Variants in ARSB observed in about 807,000 individuals in gnomAD.
ARSB encodes the protein N-acetylgalactosamine-4-sulfatase.
In ARSB, 41 loss-of-function variants were observed where a neutral mutation model predicts 50.9. The observed-to-expected ratio is 0.81, with a 90% CI of 0.63 to 1.04. The LOEUF is 1.04. Ranked by LOEUF, ARSB falls within the 50% of genes least tolerant of loss-of-function variation. The probability of loss-of-function intolerance (pLI) is 0.00; values close to 1 mark genes in which losing one functional copy is unlikely to be tolerated. For missense variants in ARSB, 672 were observed against 693.3 expected (o/e 0.97, Z 0.35); for synonymous variants, 269 against 284.8 (o/e 0.94, Z 0.56).
chr5:78,839,513 G>C, intron 5 of ARSB, 87 bp from the exon 6 acceptor site: 1 of 1,264,196 alleles, frequency 7.9e-7, no homozygotes, highest in Non-Finnish European at 1.1e-6. Context: ...GTACTTATAG[G>C]AAATAACAAA....
chr5:78,807,862 G>A (rs1743625870), intron 6 of ARSB, among the ~76,000 whole-genome samples: 1 of 152,022 alleles, frequency 6.6e-6, no homozygotes, highest in South Asian at 2.1e-4. Context: ...GGGAGGCCGA[G>A]GCGGGCGGAT....
chr5:78,905,211 G>A (rs1265202606), intron 4 of ARSB, among the ~76,000 whole-genome samples: 1 of 152,118 alleles, frequency 6.6e-6, no homozygotes. Flanking sequence ...GTCTCATGGA[G>A]AATGGTTACA....
At chr5:78,869,926 CAAA>C (rs1351617545) in intron 5 of ARSB, among the ~76,000 whole-genome samples, 1 of 151,062 alleles carries the variant, frequency 6.6e-6, no homozygotes, top group Non-Finnish European at 1.5e-5. Flanking sequence ...GCAAGACTAA[CAAA>C]GAAGAAAAGA....
chr5:78,921,117 T>G (rs1303807464), intron 4 of ARSB, among the ~76,000 whole-genome samples: 2 of 152,210 alleles, frequency 1.3e-5, no homozygotes, highest in African/African-American at 4.8e-5. Context: ...TCTCCTTCCA[T>G]GATCTAAATT....
chr5:78,886,783 C>T (rs138464401), intron 4 of ARSB, among the ~76,000 whole-genome samples: 1 of 152,082 alleles, frequency 6.6e-6, no homozygotes, highest in African/African-American at 2.4e-5. Context: ...AAAAAACCCA[C>T]TATTACCCAA....
intron 5 of ARSB, among the ~76,000 whole-genome samples, chr5:78,851,366 A>G (rs1262015931): frequency 2.0e-5 from 3 of 152,022 alleles, no homozygotes; most frequent in Non-Finnish European, 2.9e-5. Context: ...GTAGTTGAGC[A>G]GTTTTGAGTG....
intron 4 of ARSB, among the ~76,000 whole-genome samples, chr5:78,892,248 C>CTTTTTTTTTTTTTTTTTTTTTTTTT (rs34960858): frequency 1.1e-5 from 1 of 87,226 alleles, no homozygotes; most frequent in African/African-American, 5.2e-5. Flanking sequence ...ATTCTCTATT[C>CTTTTTTTTTTTTTTTTTTTTTTTTT]TTTTTTTTTT....
At position 78,912,291 on chromosome 5, in the gene ARSB, T is replaced by C. The variant is rs141658774; in HGVS notation, c.899-26464A>G. On this transcript the variant is annotated intron_variant, in intron 4 of 7. Transcript: ENST00000264914. ...TTAAGAGATCACAGGCAGGCTCTTC[T>C]CCAGCAAGCTGTTTCTCATACTCCA... Among the ~76,000 whole-genome samples, 1,036 of 152,298 alleles carry C rather than the reference T, an allele frequency of 6.8e-3. 5 individuals are homozygous for C. Among genetic ancestry groups the C allele is most frequent in the Non-Finnish European group, 9.8e-3 (666 of 68,032 alleles).
intron 4 of ARSB, among the ~76,000 whole-genome samples, chr5:78,921,890 G>A (rs955737086): frequency 6.6e-6 from 1 of 152,190 alleles, no homozygotes; most frequent in Non-Finnish European, 1.5e-5. Flanking sequence ...CACAGAGACA[G>A]AATCTGTGTT....
chr5:78,888,161 T>C (rs1165288543), intron 4 of ARSB, among the ~76,000 whole-genome samples: 1 of 152,208 alleles, frequency 6.6e-6, no homozygotes, highest in East Asian at 1.9e-4. Context: ...TACAAGAATC[T>C]TTCTTCAAAC....
At chr5:78,975,124 T>C (rs999411574) in intron 1 of ARSB, among the ~76,000 whole-genome samples, 6 of 152,162 alleles carry the variant, frequency 3.9e-5, no homozygotes, top group Non-Finnish European at 8.8e-5. Flanking sequence ...TGCACTCTCC[T>C]GTGCCCCACT....
intron 1 of ARSB, among the ~76,000 whole-genome samples, chr5:78,972,121 C>G (rs149956126): frequency 6.6e-6 from 1 of 152,276 alleles, no homozygotes; most frequent in African/African-American, 2.4e-5. Flanking sequence ...TTGGGCTTAG[C>G]CAATGGGGAG....
intron 4 of ARSB, among the ~76,000 whole-genome samples, chr5:78,951,755 T>C (rs902894145): frequency 5.9e-5 from 9 of 152,246 alleles, no homozygotes; most frequent in Non-Finnish European, 8.8e-5. Context: ...ATGTAAACTA[T>C]GGAAATAATT....
chr5:78,947,672 A>G (rs969488517), intron 4 of ARSB, among the ~76,000 whole-genome samples: 5 of 152,216 alleles, frequency 3.3e-5, no homozygotes, highest in Non-Finnish European at 7.3e-5. Context: ...GTACTTTTGT[A>G]CAATGTTGGT....
intron 3 of ARSB, 118 bp from the exon 4 acceptor site, chr5:78,955,620 C>T: frequency 1.2e-6 from 1 of 834,460 alleles, no homozygotes; most frequent in Non-Finnish European, 2.0e-6. Flanking sequence ...CTACAGAATG[C>T]ATTGAAAGTA....
chr5:78,854,858 A>G (rs1746059471), intron 5 of ARSB, among the ~76,000 whole-genome samples: 1 of 152,104 alleles, frequency 6.6e-6, no homozygotes. Context: ...TCGCATGCTT[A>G]GCTGACAATT....
At chr5:78,940,870 T>G (rs1309129333) in intron 4 of ARSB, among the ~76,000 whole-genome samples, 1 of 152,216 alleles carries the variant, frequency 6.6e-6, no homozygotes, top group Admixed American at 6.5e-5. Flanking sequence ...TAAATTACCT[T>G]GGGCAGTATG....
rs13166469 is a variant in ARSB, at chr5:78,968,160, A to C, written c.499+846T>G. On this transcript the variant is annotated intron_variant, in intron 2 of 7. Transcript: ENST00000264914. ...TGTTTTTTAAAACCTATCTTCCCCA[A>C]CTTTGTGATTGCAAAAACAGATTTC... Among the ~76,000 whole-genome samples, 482 of 151,792 alleles carry C rather than the reference A, an allele frequency of 3.2e-3. 4 individuals are homozygous for C. Among genetic ancestry groups the C allele is most frequent in the Non-Finnish European group, 5.3e-3 (362 of 67,934 alleles).
At chr5:78,781,831 T>G in intron 7 of ARSB, 21 bp downstream of exon 7, 1 of 1,613,948 alleles carries the variant, frequency 6.2e-7, no homozygotes. Flanking sequence ...GAAGGGAAGT[T>G]TGCTAAGCTA....
Sources: allele counts gnomAD v4.1 joint callset (sites outside exome capture counted in the v4.1 genomes callset), GRCh38; gene constraint gnomAD v4.1.1; transcripts MANE v1.5; gene names NCBI Gene and HGNC (gene_info 2026-07-23, HGNC 2026-07-21).